MVB12B: variants seen among roughly 807,000 people sequenced by gnomAD.
MVB12B encodes the protein multivesicular body subunit 12B, also known as ESCRT-I complex subunit MVB12B.
Under a neutral mutation model 41.6 loss-of-function variants are expected in MVB12B, and 16 were observed. That is an observed-to-expected ratio of 0.38 (90% CI 0.26 to 0.58). The LOEUF (loss-of-function observed/expected upper bound fraction) is 0.58. MVB12B is among the 20% of genes least tolerant of loss of function. The pLI is 0.62. For synonymous variants in MVB12B, 133 were observed against 139.7 expected (o/e 0.95, Z 0.34); for missense variants, 274 against 380.2 (o/e 0.72, Z 2.32).
intron 2 of MVB12B, among the ~76,000 whole-genome samples, chr9:126,350,070 G>C (rs1829706374): frequency 6.6e-6 from 1 of 152,164 alleles, no homozygotes; most frequent in Non-Finnish European, 1.5e-5. Context: ...GTTTCACACT[G>C]TATTTCCCTA....
At chr9:126,403,362 T>C (rs1293764701) in intron 6 of MVB12B, among the ~76,000 whole-genome samples, 2 of 152,214 alleles carry the variant, frequency 1.3e-5, no homozygotes, top group Non-Finnish European at 2.9e-5. Context: ...GACTCCAGAA[T>C]GCTTAGGATT....
chr9:126,404,552 C>T (rs1482858962), intron 6 of MVB12B, among the ~76,000 whole-genome samples: 1 of 152,248 alleles, frequency 6.6e-6, no homozygotes, highest in Admixed American at 6.5e-5. Context: ...CTTCTCCAGG[C>T]TCCTGACCAG....
chr9:126,393,375 G>A (rs1427407965), intron 5 of MVB12B, among the ~76,000 whole-genome samples: 3 of 152,238 alleles, frequency 2.0e-5, no homozygotes, highest in Non-Finnish European at 4.4e-5. Flanking sequence ...TGGTGCTACA[G>A]TAGCTCCACC....
At chr9:126,498,750 C>A (rs761600658) in intron 9 of MVB12B, among the ~76,000 whole-genome samples, 3 of 152,238 alleles carry the variant, frequency 2.0e-5, no homozygotes, top group Non-Finnish European at 1.5e-5. Context: ...CTGGGAACAG[C>A]CCCTTACTGC....
intron 2 of MVB12B, among the ~76,000 whole-genome samples, chr9:126,344,777 G>A (rs1829544534): frequency 6.6e-6 from 1 of 152,252 alleles, no homozygotes; most frequent in Admixed American, 6.5e-5. Flanking sequence ...TGAAGGGCCT[G>A]CATCTGGCAA....
At chr9:126,448,619 G>T (rs1412907256) in intron 7 of MVB12B, among the ~76,000 whole-genome samples, 6 of 152,314 alleles carry the variant, frequency 3.9e-5, no homozygotes, top group African/African-American at 1.4e-4. Context: ...GCCTCAGGAA[G>T]CTTCCAATCA....
At chr9:126,456,595 C>G (rs930879431) in intron 7 of MVB12B, among the ~76,000 whole-genome samples, 1 of 152,292 alleles carries the variant, frequency 6.6e-6, no homozygotes, top group Admixed American at 6.5e-5. Flanking sequence ...CTCAGATACT[C>G]GGAATATGGT....
intron 4 of MVB12B, among the ~76,000 whole-genome samples, chr9:126,390,212 C>T (rs1475674757): frequency 6.6e-6 from 1 of 152,238 alleles, no homozygotes; most frequent in Admixed American, 6.5e-5. Flanking sequence ...TAAGATCCCA[C>T]ACAGCTGTTC....
At chr9:126,372,895 A>G (rs1830379493) in intron 2 of MVB12B, among the ~76,000 whole-genome samples, 1 of 152,178 alleles carries the variant, frequency 6.6e-6, no homozygotes, top group African/African-American at 2.4e-5. Context: ...AGGGAGCAAC[A>G]CGAGCAAAGG....
At chr9:126,384,431 TG>T (rs1830715083) in intron 3 of MVB12B, among the ~76,000 whole-genome samples, 1 of 152,260 alleles carries the variant, frequency 6.6e-6, no homozygotes, top group Non-Finnish European at 1.5e-5. Context: ...TGTGTACTTT[TG>T]GTTCATAATA....
At chr9:126,400,706 C>T (rs1831243802) in intron 6 of MVB12B, among the ~76,000 whole-genome samples, 1 of 152,196 alleles carries the variant, frequency 6.6e-6, no homozygotes, top group Non-Finnish European at 1.5e-5. Context: ...TTGCCTTCCT[C>T]CACTCACCAG....
intron 6 of MVB12B, among the ~76,000 whole-genome samples, chr9:126,409,991 T>C (rs899751355): frequency 6.6e-6 from 1 of 152,246 alleles, no homozygotes; most frequent in Non-Finnish European, 1.5e-5. Flanking sequence ...GTTTTTGTTT[T>C]AAGATTTAAA....
intron 7 of MVB12B, among the ~76,000 whole-genome samples, chr9:126,465,644 A>G (rs1368963800): frequency 8.3e-6 from 1 of 120,736 alleles, no homozygotes; most frequent in Non-Finnish European, 1.6e-5. Flanking sequence ...TACCCTTTAA[A>G]TGCACGAGTG....
At chr9:126,381,365 C>T (rs1010812576) in intron 3 of MVB12B, among the ~76,000 whole-genome samples, 194 bp downstream of exon 3, 24 of 152,136 alleles carry the variant, frequency 1.6e-4, no homozygotes, top group African/African-American at 5.6e-4. Context: ...ACCACGTACC[C>T]AAGTGTACCG....
chr9:126,421,561 C>T (rs1832020044), intron 6 of MVB12B, among the ~76,000 whole-genome samples: 1 of 152,202 alleles, frequency 6.6e-6, no homozygotes, highest in Non-Finnish European at 1.5e-5. Context: ...AACTGCCACC[C>T]CGTAGAGTCC....
intron 6 of MVB12B, among the ~76,000 whole-genome samples, chr9:126,416,824 G>T (rs1186106213): frequency 2.0e-5 from 3 of 152,178 alleles, no homozygotes; most frequent in Non-Finnish European, 4.4e-5. Flanking sequence ...GGTCCTGGCA[G>T]GTGGGGCTCC....
At chr9:126,485,710 G>A (rs972699468) in intron 9 of MVB12B, among the ~76,000 whole-genome samples, 2 of 152,168 alleles carry the variant, frequency 1.3e-5, no homozygotes, top group Admixed American at 6.5e-5. Flanking sequence ...TGCTTCATAA[G>A]CTGGAACACA....
At chr9:126,405,181 T>C (rs1390126183) in intron 6 of MVB12B, among the ~76,000 whole-genome samples, 1 of 152,150 alleles carries the variant, frequency 6.6e-6, no homozygotes. Flanking sequence ...TGTGTTATCT[T>C]TGTAATTTTG....
rs560713442 is a variant in MVB12B at position 126,433,296 on chromosome 9, G to GGATACACCAGGTATCCCCTCT, written c.757+11368_757+11388dup. Among the ~76,000 whole-genome samples, 110 of 149,978 alleles carry GGATACACCAGGTATCCCCTCT rather than the reference G, an allele frequency of 7.3e-4. 4 individuals are homozygous for GGATACACCAGGTATCCCCTCT. The highest frequency in any genetic ancestry group is 2.0e-3 in the African/African-American group (78 of 39,458). On this transcript the variant is annotated intron_variant, in intron 7 of 9. Transcript: ENST00000361171. Reference sequence around the variant, plus strand: ...CAGATCCTTTCCCAGCCAGGAAAGGGGATACACCAGGTATCCCCTCTGATA... The same window carrying GGATACACCAGGTATCCCCTCT: ...CAGATCCTTTCCCAGCCAGGAAAGGGGATACACCAGGTATCCCCTCTGATACACCAGGTATCCCCTCTGATA...
Sources: gnomAD v4.1 joint callset for allele counts (sites outside exome capture counted in the v4.1 genomes callset) on GRCh38, gnomAD v4.1.1 for gene constraint, MANE v1.5 for transcripts, NCBI Gene and HGNC (gene_info 2026-07-23, HGNC 2026-07-21) for gene names.